The following ARIH1 variants were observed in gnomAD, a reference collection of about 807,000 sequenced individuals.
The protein encoded by ARIH1 is E3 ubiquitin-protein ligase ARIH1.
In ARIH1, 8 loss-of-function variants were observed where a neutral mutation model predicts 85.0. That is an observed-to-expected ratio of 0.09 (90% CI 0.06 to 0.17). The LOEUF is 0.17. Ranked by LOEUF, ARIH1 falls within the 10% of genes least tolerant of loss-of-function variation. The probability of loss-of-function intolerance (pLI) is 1.00; values close to 1 mark genes in which losing one functional copy is unlikely to be tolerated. For missense variants in ARIH1, 311 were observed against 718.1 expected, an observed-to-expected ratio of 0.43 and a Z score of 6.48; for synonymous variants, 238 against 253.6, an observed-to-expected ratio of 0.94 and a Z score of 0.59.
intron 1 of ARIH1, among the ~76,000 whole-genome samples, chr15:72,506,676 T>G (rs1245230709): frequency 6.6e-6 from 1 of 152,116 alleles, no homozygotes; most frequent in African/African-American, 2.4e-5. Context: ...GCTTGTAGAT[T>G]TTATGCAAAC....
intron 1 of ARIH1, among the ~76,000 whole-genome samples, chr15:72,501,530 C>G (rs922673660): frequency 2.1e-4 from 32 of 152,112 alleles, no homozygotes; most frequent in African/African-American, 7.5e-4. Flanking sequence ...TATGCTGTCT[C>G]TAGATGGTTT....
chr15:72,525,335 G>T (rs969639635), intron 2 of ARIH1, among the ~76,000 whole-genome samples: 1 of 152,188 alleles, frequency 6.6e-6, no homozygotes, highest in East Asian at 1.9e-4. Flanking sequence ...TAATAAAATT[G>T]TGTATTAACT....
intron 2 of ARIH1, among the ~76,000 whole-genome samples, chr15:72,525,797 CTT>C (rs200939487): frequency 6.9e-6 from 1 of 145,762 alleles, no homozygotes. Context: ...CCTCCACATT[CTT>C]TTTTTTTTTT....
chr15:72,513,084 G>A (rs960564817), intron 1 of ARIH1, among the ~76,000 whole-genome samples: 2 of 152,066 alleles, frequency 1.3e-5, no homozygotes, highest in Admixed American at 6.6e-5. Flanking sequence ...ACAGCATAGA[G>A]TTTTGCCCTT....
At chr15:72,523,829 G>A (rs2064012017) in intron 2 of ARIH1, among the ~76,000 whole-genome samples, 1 of 151,198 alleles carries the variant, frequency 6.6e-6, no homozygotes. Context: ...TTCTTTTAAA[G>A]GGGGAAATAA....
intron 6 of ARIH1, 112 bp from the exon 7 acceptor site, chr15:72,563,282 T>G (rs2064204833): frequency 2.5e-6 from 2 of 800,558 alleles, no homozygotes; most frequent in Non-Finnish European, 2.1e-6. Context: ...TGGTCTGGAG[T>G]GCTTGACCTC....
intron 2 of ARIH1, among the ~76,000 whole-genome samples, chr15:72,541,637 C>T (rs2064107888): frequency 6.6e-6 from 1 of 152,090 alleles, no homozygotes; most frequent in East Asian, 1.9e-4. Context: ...GAGAATTTAT[C>T]GACTACAAGA....
intron 3 of ARIH1, among the ~76,000 whole-genome samples, chr15:72,547,464 C>T (rs1008219056): frequency 6.6e-6 from 1 of 152,120 alleles, no homozygotes; most frequent in African/African-American, 2.4e-5. Context: ...AACTCCTGAC[C>T]TCAGGTGATC....
At chr15:72,515,806 T>C (rs2063972550) in intron 1 of ARIH1, among the ~76,000 whole-genome samples, 1 of 152,210 alleles carries the variant, frequency 6.6e-6, no homozygotes, top group Non-Finnish European at 1.5e-5. Context: ...CATATATATA[T>C]AGATAGCTTG....
chr15:72,488,283 C>T (rs1206230390), intron 1 of ARIH1, among the ~76,000 whole-genome samples: 1 of 151,920 alleles, frequency 6.6e-6, no homozygotes, highest in African/African-American at 2.4e-5. Context: ...TGCCATGTTG[C>T]CTAGACTGGT....
At chr15:72,533,471 ATG>A (rs1363690407) in intron 2 of ARIH1, among the ~76,000 whole-genome samples, 1 of 152,246 alleles carries the variant, frequency 6.6e-6, no homozygotes, top group African/African-American at 2.4e-5. Context: ...TTCACAAACA[ATG>A]TGATTGTACA....
chr15:72,530,358 A>G (rs371496954), intron 2 of ARIH1, among the ~76,000 whole-genome samples: 3 of 152,134 alleles, frequency 2.0e-5, no homozygotes, highest in African/African-American at 7.2e-5. Flanking sequence ...TAGCTAAGAG[A>G]CTTAGCTGTG....
intron 11 of ARIH1, among the ~76,000 whole-genome samples, chr15:72,575,349 C>T (rs1040234589): frequency 2.6e-5 from 4 of 151,886 alleles, no homozygotes; most frequent in South Asian, 2.1e-4. Context: ...GATGCTGAGG[C>T]GAGAGGATTG....
At chr15:72,533,979 G>T (rs578196780) in intron 2 of ARIH1, among the ~76,000 whole-genome samples, 1 of 151,968 alleles carries the variant, frequency 6.6e-6, no homozygotes, top group East Asian at 1.9e-4. Context: ...AAACAACCCA[G>T]ATGTTTATCA....
intron 1 of ARIH1, among the ~76,000 whole-genome samples, chr15:72,481,248 G>T (rs866352198): frequency 1.3e-5 from 2 of 152,174 alleles, no homozygotes; most frequent in Non-Finnish European, 2.9e-5. Flanking sequence ...CTGGGGATGG[G>T]GTCTGGCTGT....
intron 2 of ARIH1, among the ~76,000 whole-genome samples, chr15:72,535,924 T>G (rs1420787904): frequency 6.6e-6 from 1 of 152,198 alleles, no homozygotes; most frequent in Non-Finnish European, 1.5e-5. Context: ...ATCTTGAACC[T>G]TCTCCTGGGA....
At chr15:72,566,845 G>C (rs1375068850) in intron 8 of ARIH1, among the ~76,000 whole-genome samples, 1 of 152,088 alleles carries the variant, frequency 6.6e-6, no homozygotes, top group African/African-American at 2.4e-5. Flanking sequence ...GTAATTAGGG[G>C]AATACACACC....
chr15:72,583,401 C>A lies in ARIH1; in HGVS notation c.*109C>A. The A allele has an allele frequency of 2.6e-6, 2 of 777,460 alleles. No individual in the cohort carries two copies. The highest frequency in any genetic ancestry group is 4.2e-6 in the Non-Finnish European group (2 of 471,084). 48.2% of individuals were successfully genotyped at this position (777,460 alleles called of 1,614,324 possible). A position where few individuals can be genotyped will look rare whatever the true frequency, so the allele number is the denominator to read the frequency against. On this transcript the variant is annotated 3_prime_UTR_variant, in exon 14 of 14. Coordinates refer to ENST00000379887, the MANE Select transcript of ARIH1 (RefSeq NM_005744.5). ...AGGCACTAAGCCTATTCTGACACCA[C>A]TGGTCTGTAGTACCAGAATTGTTTT...
intron 1 of ARIH1, among the ~76,000 whole-genome samples, chr15:72,500,615 T>C (rs1567340522): frequency 6.6e-6 from 1 of 152,216 alleles, no homozygotes; most frequent in African/African-American, 2.4e-5. Flanking sequence ...ACAATGGATA[T>C]AACTTAAAAT....
Sources: gnomAD v4.1 joint callset for allele counts (sites outside exome capture counted in the v4.1 genomes callset) on GRCh38, gnomAD v4.1.1 for gene constraint, MANE v1.5 for transcripts, NCBI Gene and HGNC (gene_info 2026-07-23, HGNC 2026-07-21) for gene names.